The following FAM83H variants were observed in gnomAD, a reference collection of about 807,000 sequenced individuals.
FAM83H encodes scaffolding CK1 anchoring protein H, also known as protein FAM83H.
In FAM83H, 24 loss-of-function variants were observed where a neutral mutation model predicts 30.2. That is an observed-to-expected ratio of 0.79 (90% confidence interval 0.57 to 1.12). The LOEUF (loss-of-function observed/expected upper bound fraction) is 1.12, where lower values mean the gene tolerates loss of function less well. FAM83H is among the 50% of genes most tolerant of loss of function. The pLI is 0.00. For synonymous variants in FAM83H, 1,013 were observed against 821.7 expected, an observed-to-expected ratio of 1.23 and a Z score of -3.98; for missense variants, 2,038 against 1,773.9, an observed-to-expected ratio of 1.15 and a Z score of -2.67.
chr8:143,731,925 C>T (rs1256174837), intron 1 of FAM83H: 1 of 985,326 alleles, frequency 1.0e-6, no homozygotes, highest in Admixed American at 6.1e-5. Context: ...GTACCTCTCC[C>T]TGGAAGGAGA....
In FAM83H at chr8:143,726,294, G is replaced by A. The variant is rs781892935; in HGVS notation, c.3167C>T (p.Ala1056Val). 3 of 1,612,004 alleles carry A rather than the reference G, an allele frequency of 1.9e-6. No homozygotes were observed. Among genetic ancestry groups the A allele is most frequent in the African/African-American group, 1.3e-5 (1 of 75,046 alleles). ...CGGGCCGGGGCTCGGGGCAGGGACC[G>A]CACGGTGCTTCTGGCCGTGGGCACT... ...QISAHGQKHR[A>V]VPAPSPGPTH... Residue 1056 changes from alanine (A) to valine (V), a missense_variant, in exon 5 of 5, where the codon GCG (alanine) becomes GTG (valine). Ala to Val is a moderately conservative substitution (Grantham distance 64). Coordinates refer to ENST00000388913, the MANE Select transcript of FAM83H (RefSeq NM_198488.5).
At chr8:143,728,929 G>T (rs1554623640) in intron 4 of FAM83H, 38 bp downstream of exon 4, 1 of 1,612,558 alleles carries the variant, frequency 6.2e-7, no homozygotes, top group Non-Finnish European at 8.5e-7. Flanking sequence ...ACAGGAGGAG[G>T]CCCCAGAGAA....
chr8:143,726,137 C>T lies in FAM83H; in HGVS notation c.3324G>A (p.Thr1108=). The T allele has an allele frequency of 1.2e-6, 2 of 1,611,460 alleles. No homozygotes were observed. The highest frequency in any genetic ancestry group is 1.3e-5 in the African/African-American group (1 of 75,026). ...CGCGCTCCTCCGCGCTGGCTGGCAGCGTGCGGCTCAGCCGGCCCTGGGTCC... is the reference window on the plus strand; with the variant it reads ...CGCGCTCCTCCGCGCTGGCTGGCAGTGTGCGGCTCAGCCGGCCCTGGGTCC... The part of the protein sequence containing the change: ...SLGTQGRLSR[T]LPASAEERDR... Residue 1108 remains threonine (T), a synonymous_variant, in exon 5 of 5, where the codon ACG becomes ACA. Coordinates refer to ENST00000388913, the MANE Select transcript of FAM83H (RefSeq NM_198488.5).
chr8:143,726,342 G>T lies in FAM83H; in HGVS notation c.3119C>A (p.Thr1040Lys). Residue 1040 changes from threonine (T) to lysine (K), a missense_variant, in exon 5 of 5, where the codon ACG (threonine) becomes AAG (lysine). Transcript: ENST00000388913. ...ACTGATCTGCTCCAGAATGGCCTTC[G>T]TGTCATCCCGAAGGTTGCTGCTGTA... is the stretch of plus-strand genomic sequence containing the variant. ...ALYSSNLRDD[T>K]KAILEQISAH... 3 of 1,612,012 alleles carry T rather than the reference G, an allele frequency of 1.9e-6. No individual in the cohort carries two copies. Among genetic ancestry groups the T allele is most frequent in the Non-Finnish European group, 2.5e-6 (3 of 1,179,712 alleles).
At chr8:143,731,449 T>TA in intron 1 of FAM83H, 2 of 985,344 alleles carry the variant, frequency 2.0e-6, no homozygotes, top group Non-Finnish European at 2.4e-6. Context: ...GCCCCACACA[T>TA]AGTCCCGGGC....
rs1377303305 is a variant in FAM83H at position 143,731,846 on chromosome 8, G to A, written c.-15-1249C>T. The A allele has an allele frequency of 4.1e-6, 4 of 985,294 alleles. No individual in the cohort carries two copies. In the African/African-American group the frequency reaches 7.0e-5, roughly 17 times the overall value. The allele number at this position is 985,294 out of a possible 1,614,324, so 61.0% of individuals were successfully genotyped here. On this transcript the variant is annotated intron_variant, in intron 1 of 4. Transcript: ENST00000388913. ...TCCAAAGGGTCCCTGCGGGGGCCTG[G>A]CCTCTCCAGAAAGGTGTCAGATGGG...
chr8:143,731,889 G>A (rs904638148), intron 1 of FAM83H: 9 of 985,310 alleles, frequency 9.1e-6, no homozygotes, highest in East Asian at 1.1e-4. Context: ...CAGGGCCCAC[G>A]CACACAGGGT....
Position 143,727,781 on chromosome 8 carries a change from G to A in FAM83H, c.1680C>T (p.Pro560=), listed in dbSNP as rs558523276. 1.3e-4 allele frequency: 190 copies of A among 1,438,958 alleles called. 3 individuals are homozygous for A. In the East Asian group the frequency reaches 4.2e-3, roughly 32 times the overall value. The allele number at this position is 1,438,958 out of a possible 1,614,324, so 89.1% of individuals were successfully genotyped here. A position where few individuals can be genotyped will look rare whatever the true frequency, so the allele number is the denominator to read the frequency against. The part of the protein sequence containing the change: ...CQAAARPGPD[P]APEAEPERRG... The stretch of plus-strand genomic sequence containing the variant: ...TGCGCTCCGGCTCCGCCTCGGGAGC[G>A]GGGTCTGGGCCCGGCCTCGCCGCGG... Residue 560 remains proline, a synonymous_variant, in exon 5 of 5, where the codon CCC becomes CCT. Transcript: ENST00000388913.
intron 2 of FAM83H, 93 bp from the exon 3 acceptor site, chr8:143,729,416 A>G (rs1268760294): frequency 4.3e-6 from 6 of 1,404,592 alleles, no homozygotes; most frequent in Non-Finnish European, 6.0e-6. Flanking sequence ...TGTCTGGATC[A>G]CCCACGACCA....
At chr8:143,729,773 C>T (rs972421962) in intron 2 of FAM83H, among the ~76,000 whole-genome samples, 10 of 152,244 alleles carry the variant, frequency 6.6e-5, no homozygotes, top group Non-Finnish European at 1.3e-4. Context: ...TATGGTTTAA[C>T]AGCACCTTCC....
rs1162368878 is a variant in FAM83H at position 143,729,293 on chromosome 8, C to T, written c.478G>A (p.Asp160Asn). The change falls in exon 3 of 5, where the codon GAT becomes AAT. Residue 160 changes from aspartate (D) to asparagine (N), a missense_variant. Transcript: ENST00000388913. ...VVAVVMDMFT[D>N]VDLLSEVLEA... is the part of the protein sequence containing the mutation. ...AGCACTTCGCTGAGCAGGTCCACAT[C>T]AGTGAACATGTCCATCACCACGGCC... The T allele has an allele frequency of 6.2e-7, 1 of 1,613,196 alleles. No homozygotes were observed. Among genetic ancestry groups the T allele is most frequent in the Non-Finnish European group, 8.5e-7 (1 of 1,180,028 alleles).
chr8:143,731,727 C>A, intron 1 of FAM83H: 8 of 985,482 alleles, frequency 8.1e-6, no homozygotes, highest in Non-Finnish European at 9.6e-6. Context: ...GAGTCCTGTC[C>A]CCACCAGCCC....
rs1353120964 is a variant in FAM83H, at chr8:143,726,933, G to C, written c.2528C>G (p.Thr843Arg). Residue 843 changes from threonine to arginine, a missense_variant, in exon 5 of 5, where the codon ACG becomes AGG. Coordinates refer to ENST00000388913, the MANE Select transcript of FAM83H (RefSeq NM_198488.5). Reference sequence around the variant, plus strand: ...AGGGCTGTCCAGCCCTTGCGGGGACGTTGAGTGGCTCTGGGCAGAGAGGAA... The same window carrying C: ...AGGGCTGTCCAGCCCTTGCGGGGACCTTGAGTGGCTCTGGGCAGAGAGGAA... ...SRFLSAQSHSTSPQGLDSPLP... is the reference protein window; with the variant it reads ...SRFLSAQSHSRSPQGLDSPLP... The C allele has an allele frequency of 1.2e-6, 2 of 1,611,820 alleles. No homozygotes were observed. The highest frequency in any genetic ancestry group is 2.2e-5 in the South Asian group (2 of 90,978).
At position 143,728,177 on chromosome 8, in the gene FAM83H, C is replaced by T; in HGVS notation, c.1284G>A (p.Gln428=). The change falls in exon 5 of 5, where the codon CAG becomes CAA. Residue 428 remains glutamine, a synonymous_variant. Coordinates refer to ENST00000388913, the MANE Select transcript of FAM83H (RefSeq NM_198488.5). ...GAVENFAAAR[Q]VSRQTFLSHG... ...GGCTGAGGAACGTCTGCCGCGACAC[C>T]TGCCGCGCGGCCGCGAAGTTCTCCA... 6.2e-7 allele frequency: 1 copy of T among 1,606,838 alleles called. No homozygotes were observed. Among genetic ancestry groups the T allele is most frequent in the East Asian group, 2.2e-5 (1 of 44,750 alleles).
rs1818278490 is a variant in FAM83H, at chr8:143,726,096, C to T, written c.3365G>A (p.Arg1122His). Residue 1122 changes from arginine (R) to histidine (H), a missense_variant, in exon 5 of 5, where the codon CGC (arginine) becomes CAC (histidine). Physicochemically the swap from Arg to His is conservative, Grantham distance 29. Transcript: ENST00000388913. The stretch of plus-strand genomic sequence containing the variant: ...CTTCTCCTTGCGCATGCTCTCCATG[C>T]GGCGCAGCAGCCGATCGCGCTCCTC... ...SAEERDRLLRRMESMRKEKRV... is the reference protein window; with the variant it reads ...SAEERDRLLRHMESMRKEKRV... The T allele has an allele frequency of 2.5e-6, 4 of 1,611,106 alleles. No individual in the cohort carries two copies. Among genetic ancestry groups the T allele is most frequent in the South Asian group, 2.2e-5 (2 of 90,868 alleles).
In FAM83H at chr8:143,731,114, ACGAACC is replaced by A. The variant is rs1563762290; in HGVS notation, c.-15-523_-15-518del. ...CATCACTACAAAAAATAAAAATAAA[ACGAACC>A]CCCCCCCCCAAATATTTCATGACTG... On this transcript the variant is annotated intron_variant, in intron 1 of 4. Transcript: ENST00000388913. Among the ~76,000 whole-genome samples, 3 of 34,998 alleles carry A rather than the reference ACGAACC, an allele frequency of 8.6e-5. No homozygotes were observed. The South Asian group carries it at 5.6e-3, about 65-fold the overall frequency. The allele number at this position is 34,998 out of a possible 152,430, so 23.0% of individuals were successfully genotyped here.
chr8:143,731,227 C>G (rs1818509926), intron 1 of FAM83H: 1 of 419,662 alleles, frequency 2.4e-6, no homozygotes, highest in African/African-American at 2.2e-5. Flanking sequence ...TCACGGACCC[C>G]TGGCACTGTG....
chr8:143,727,373 C>T lies in FAM83H; in HGVS notation c.2088G>A (p.Ala696=). ...TCTCAGTGGCCGCCGCAGCCCCGGC[C>T]GCGCCCTCGGCCTGTGACGTGCTGA... ...LIFSTSQAEG[A]AGAAAATEKV... The change falls in exon 5 of 5, where the codon GCG becomes GCA. Residue 696 remains alanine (A), a synonymous_variant. Transcript: ENST00000388913. 3 of 1,570,880 alleles carry T rather than the reference C, an allele frequency of 1.9e-6. No homozygotes were observed. The highest frequency in any genetic ancestry group is 1.1e-5 in the South Asian group (1 of 87,506).
rs782444873 is a variant in FAM83H, at chr8:143,726,930, G to A, written c.2531C>T (p.Ser844Phe). Residue 844 changes from serine (S) to phenylalanine (F), a missense_variant, in exon 5 of 5, where the codon TCC becomes TTC. Transcript: ENST00000388913. ...RFLSAQSHST[S>F]PQGLDSPLPL... ...CAGAGGGCTGTCCAGCCCTTGCGGG[G>A]ACGTTGAGTGGCTCTGGGCAGAGAG... 3.1e-6 allele frequency: 5 copies of A among 1,611,822 alleles called. No individual in the cohort carries two copies. In the South Asian group the frequency reaches 4.4e-5, roughly 14 times the overall value.
Sources: gnomAD v4.1 joint callset for allele counts (sites outside exome capture counted in the v4.1 genomes callset) on GRCh38, gnomAD v4.1.1 for gene constraint, MANE v1.5 for transcripts, NCBI Gene and HGNC (gene_info 2026-07-23, HGNC 2026-07-21) for gene names.